Variants in UBE2Q2 observed in about 807,000 individuals in gnomAD.
The protein encoded by UBE2Q2 is ubiquitin-conjugating enzyme E2 Q2.
UBE2Q2 carries 54 observed loss-of-function variants against 59.9 expected under a neutral mutation model. The observed-to-expected ratio is 0.90, with a 90% CI of 0.72 to 1.13. UBE2Q2 has a LOEUF of 1.13. Among genes scored for constraint, UBE2Q2 ranks in the 50% most tolerant of loss-of-function variants. The pLI, the probability that UBE2Q2 is intolerant of heterozygous loss-of-function variation, is 0.00. For synonymous variants in UBE2Q2, 165 were observed against 155.2 expected, an observed-to-expected ratio of 1.06 and a Z score of -0.47; for missense variants, 433 against 441.9, an observed-to-expected ratio of 0.98 and a Z score of 0.18.
chr15:75,866,322 C>T (rs539904124), intron 3 of UBE2Q2, among the ~76,000 whole-genome samples: 4 of 152,136 alleles, frequency 2.6e-5, no homozygotes, highest in South Asian at 4.2e-4. Flanking sequence ...TACAGGTGTG[C>T]ACTGCCACCG....
chr15:75,859,241 TAC>T (rs1897087721), intron 2 of UBE2Q2, among the ~76,000 whole-genome samples: 1 of 151,906 alleles, frequency 6.6e-6, no homozygotes, highest in Non-Finnish European at 1.5e-5. Flanking sequence ...TTATTTTTTA[TAC>T]AGACACTTAA....
At position 75,899,970 on chromosome 15, in the gene UBE2Q2, C is replaced by T. The variant is rs978755279; in HGVS notation, c.*512C>T. ...TTGCCAAAATGTGATAGGAAACCTACTCATTAAATTGTTAAACTTTTTAAT... is the reference window on the plus strand; with the variant it reads ...TTGCCAAAATGTGATAGGAAACCTATTCATTAAATTGTTAAACTTTTTAAT... On this transcript the variant is annotated 3_prime_UTR_variant, in exon 13 of 13. Transcript: ENST00000267938. 2.6e-5 allele frequency: 4 copies of T among 152,680 alleles called. No individual in the cohort carries two copies. The highest frequency in any genetic ancestry group is 9.7e-5 in the African/African-American group (4 of 41,446). The allele number at this position is 152,680 out of a possible 1,614,324, so 9.5% of individuals were successfully genotyped here.
At chr15:75,885,724 C>T (rs1340773006) in intron 9 of UBE2Q2, among the ~76,000 whole-genome samples, 1 of 152,160 alleles carries the variant, frequency 6.6e-6, no homozygotes, top group Non-Finnish European at 1.5e-5. Flanking sequence ...CAGGTGGTTA[C>T]AAAGTTGATC....
In UBE2Q2 at chr15:75,897,129, T is replaced by C. The variant is rs1899473157; in HGVS notation, c.1096+68T>C. ...TTAGATAATGTATTAATACTTACCATTTTATTTTTCTGTTTTTGCTTTAGT... is the reference window on the plus strand; with the variant it reads ...TTAGATAATGTATTAATACTTACCACTTTATTTTTCTGTTTTTGCTTTAGT... On this transcript the variant is annotated intron_variant, in intron 12 of 12. Transcript: ENST00000267938. 5 of 917,886 alleles carry C rather than the reference T, an allele frequency of 5.4e-6. No individual in the cohort carries two copies. The East Asian group carries it at 1.5e-4, about 28-fold the overall frequency. 56.9% of individuals were successfully genotyped at this position (917,886 alleles called of 1,614,324 possible). A position where few individuals can be genotyped will look rare whatever the true frequency, so the allele number is the denominator to read the frequency against.
chr15:75,888,244 C>T (rs190511592), intron 9 of UBE2Q2, among the ~76,000 whole-genome samples: 3 of 152,268 alleles, frequency 2.0e-5, no homozygotes, highest in East Asian at 3.9e-4. Context: ...GCAGTCACTC[C>T]CTGTACCCGT....
At chr15:75,846,606 A>C (rs1896363543) in intron 1 of UBE2Q2, among the ~76,000 whole-genome samples, 1 of 152,180 alleles carries the variant, frequency 6.6e-6, no homozygotes, top group Admixed American at 6.5e-5. Flanking sequence ...GGGAAAGATC[A>C]AGGGAAAAAT....
chr15:75,885,149 G>A (rs182301183), intron 9 of UBE2Q2, among the ~76,000 whole-genome samples: 69 of 151,944 alleles, frequency 4.5e-4, no homozygotes, highest in African/African-American at 1.6e-3. Context: ...TTGAGACGGG[G>A]TCTCACTGTC....
intron 1 of UBE2Q2, among the ~76,000 whole-genome samples, chr15:75,848,245 A>C (rs1896457494): frequency 1.3e-5 from 2 of 152,224 alleles, no homozygotes; most frequent in South Asian, 4.1e-4. Flanking sequence ...ATGCTTTATA[A>C]CAGGTTTTTG....
rs371827385 is a variant in UBE2Q2 at position 75,896,954 on chromosome 15, C to G, written c.1030-41C>G. On this transcript the variant is annotated intron_variant, in intron 11 of 12. Transcript: ENST00000267938. ...ATAAATTTATTGTAATAATTTTCAC[C>G]TAATTACACTTTTGATTTAAAATGT... 27 of 1,289,466 alleles carry G rather than the reference C, an allele frequency of 2.1e-5. No homozygotes were observed. The African/African-American group carries it at 3.6e-4, about 17-fold the overall frequency. 79.9% of individuals were successfully genotyped at this position (1,289,466 alleles called of 1,614,324 possible).
rs531769404 is a variant in UBE2Q2 at position 75,889,358 on chromosome 15, T to G, written c.885-1077T>G. ...CCAGGATGGGGGAGATGAAAAGGAC[T>G]TCTTTCCCTTATTTTATTATTAAAT... On this transcript the variant is annotated intron_variant, in intron 9 of 12. Transcript: ENST00000267938. Among the ~76,000 whole-genome samples, 139 of 152,334 alleles carry G rather than the reference T, an allele frequency of 9.1e-4. 1 individual carries two copies. Among genetic ancestry groups the G allele is most frequent in the Middle Eastern group, 6.8e-3 (2 of 294 alleles).
At chr15:75,884,382 G>A (rs75541841) in intron 9 of UBE2Q2, among the ~76,000 whole-genome samples, 4,035 of 152,276 alleles carry the variant, frequency 0.026, 205 homozygotes, top group African/African-American at 0.092. Flanking sequence ...CTCCAGAAGA[G>A]CTTTGTTCCT....
At chr15:75,882,065 T>C (rs1293474630) in intron 8 of UBE2Q2, among the ~76,000 whole-genome samples, 1 of 152,210 alleles carries the variant, frequency 6.6e-6, no homozygotes, top group East Asian at 1.9e-4. Context: ...TAGTTTTTAT[T>C]TGCTTTTGGT....
At chr15:75,856,269 G>GTGTGTGTGTATATATATATATATATATA (rs1256142539) in intron 2 of UBE2Q2, among the ~76,000 whole-genome samples, 6 of 139,272 alleles carry the variant, frequency 4.3e-5, no homozygotes, top group African/African-American at 1.4e-4. Flanking sequence ...GTGTGTGTGT[G>GTGTGTGTGTATATATATATATATATATA]TATATATATA....
intron 8 of UBE2Q2, among the ~76,000 whole-genome samples, chr15:75,881,406 G>A (rs1307248321): frequency 3.3e-5 from 5 of 152,086 alleles, no homozygotes; most frequent in Non-Finnish European, 7.4e-5. Flanking sequence ...CTTCAGGGAG[G>A]GGACGATCTG....
chr15:75,884,354 T>C (rs1380466670), intron 9 of UBE2Q2, among the ~76,000 whole-genome samples: 1 of 152,232 alleles, frequency 6.6e-6, no homozygotes, highest in East Asian at 1.9e-4. Context: ...GAGTGACTGC[T>C]TCAGACTTCA....
rs531778659 is a variant in UBE2Q2 at position 75,861,355 on chromosome 15, A to G, written c.387+1373A>G. ...GAAGCCTCATGGCATTCTGAGTTTC[A>G]GTCATTTATGTATGGCTTTCTCTCT... On this transcript the variant is annotated intron_variant, in intron 3 of 12. Transcript: ENST00000267938. 9.1e-4 allele frequency among the ~76,000 whole-genome samples: 139 copies of G among 152,298 alleles called. 3 individuals carry two copies. The South Asian group carries it at 0.026, about 29-fold the overall frequency.
chr15:75,897,076 A>G lies in UBE2Q2; in HGVS notation c.1096+15A>G, dbSNP rs372764233. 4.2e-5 allele frequency: 62 copies of G among 1,471,986 alleles called. No individual in the cohort carries two copies. The highest frequency in any genetic ancestry group is 1.1e-4 in the South Asian group (8 of 76,002). The allele number at this position is 1,471,986 out of a possible 1,614,324, so 91.2% of individuals were successfully genotyped here. On this transcript the variant is annotated intron_variant, in intron 12 of 12. Transcript: ENST00000267938. The stretch of plus-strand genomic sequence containing the variant: ...TGAGAAAAATGGTATGTTTAATTCA[A>G]TAAGTGTTTATTGCCATTTAAGAAG...
intron 11 of UBE2Q2, among the ~76,000 whole-genome samples, chr15:75,896,200 T>A (rs1329629021): frequency 1.3e-5 from 2 of 152,124 alleles, no homozygotes; most frequent in African/African-American, 4.8e-5. Context: ...AAATTAGTAA[T>A]AGTGGTTAAC....
At position 75,866,255 on chromosome 15, in the gene UBE2Q2, C is replaced by T. The variant is rs140886393; in HGVS notation, c.388-2696C>T. ...TGGTGTGATCACAGCTCACTGCAGC[C>T]TCTACCTTCCTGGGCATAAGCAGTC... On this transcript the variant is annotated intron_variant, in intron 3 of 12. Coordinates refer to ENST00000267938, the MANE Select transcript of UBE2Q2 (RefSeq NM_173469.4). Among the ~76,000 whole-genome samples the T allele has an allele frequency of 6.7e-3, 1,013 of 152,198 alleles. 12 individuals are homozygous for T. Among genetic ancestry groups the T allele is most frequent in the African/African-American group, 0.022 (919 of 41,536 alleles).
Sources: gnomAD v4.1 joint callset for allele counts (sites outside exome capture counted in the v4.1 genomes callset) on GRCh38, gnomAD v4.1.1 for gene constraint, MANE v1.5 for transcripts, NCBI Gene and HGNC (gene_info 2026-07-23, HGNC 2026-07-21) for gene names.